Variants in DAB1 observed in about 807,000 individuals in gnomAD.
DAB1 encodes the protein disabled homolog 1.
In DAB1, 15 loss-of-function variants were observed where a neutral mutation model predicts 64.6. The observed-to-expected ratio is 0.23, with a 90% CI of 0.16 to 0.36. DAB1 has a LOEUF of 0.36. Ranked by LOEUF, DAB1 falls within the 10% of genes least tolerant of loss-of-function variation. DAB1 has a pLI of 1.00. For missense variants in DAB1, 596 were observed against 706.7 expected (o/e 0.84, Z 1.78); for synonymous variants, 235 against 251.9 (o/e 0.93, Z 0.64).
chr1:58,204,978 G>C (rs906560148), intron 4 of DAB1, among the ~76,000 whole-genome samples: 3 of 152,122 alleles, frequency 2.0e-5, no homozygotes, highest in African/African-American at 7.2e-5. Flanking sequence ...GTATCAGTCT[G>C]GTAGCAGCTC....
chr1:57,033,580 G>A, intron 9 of DAB1: 3 of 1,611,346 alleles, frequency 1.9e-6, no homozygotes, highest in African/African-American at 1.3e-5. Context: ...CATTCTGAAA[G>A]TGGAAGGGAT....
intron 5 of DAB1, among the ~76,000 whole-genome samples, chr1:57,980,890 C>T (rs76622392): frequency 6.6e-6 from 1 of 150,738 alleles, no homozygotes; most frequent in Non-Finnish European, 1.5e-5. Context: ...TCTCTCTCTA[C>T]ATGTATATAT....
intron 7 of DAB1, among the ~76,000 whole-genome samples, chr1:57,641,532 C>T (rs1339889904): frequency 2.6e-5 from 4 of 151,628 alleles, no homozygotes; most frequent in Admixed American, 6.6e-5. Context: ...TACAGACGCC[C>T]GCCACTACGC....
At chr1:57,434,482 G>A (rs756201771) in intron 7 of DAB1, among the ~76,000 whole-genome samples, 22 of 152,220 alleles carry the variant, frequency 1.4e-4, no homozygotes, top group Non-Finnish European at 2.5e-4. Flanking sequence ...CCTCAGTGGA[G>A]ATAGGTTACC....
chr1:57,863,037 A>G (rs978602162), intron 1 of DAB1: 4 of 152,352 alleles, frequency 2.6e-5, no homozygotes, highest in African/African-American at 7.2e-5. Flanking sequence ...CAAGTGTCCA[A>G]CAGGTGAGTG....
At chr1:57,049,639 T>C (rs1648970371) in intron 9 of DAB1, among the ~76,000 whole-genome samples, 1 of 151,644 alleles carries the variant, frequency 6.6e-6, no homozygotes, top group Non-Finnish European at 1.5e-5. Flanking sequence ...ACACTCAAAC[T>C]CATCTCGCTT....
intron 3 of DAB1, among the ~76,000 whole-genome samples, chr1:58,504,922 T>C (rs1488478388): frequency 6.6e-6 from 1 of 152,182 alleles, no homozygotes; most frequent in Non-Finnish European, 1.5e-5. Context: ...TACTCCGTAT[T>C]TGTTGGGCTG....
At chr1:57,353,999 G>T (rs1471941149) in intron 1 of DAB1, among the ~76,000 whole-genome samples, 3 of 152,000 alleles carry the variant, frequency 2.0e-5, no homozygotes, top group Non-Finnish European at 4.4e-5. Flanking sequence ...TCAAATTTTT[G>T]AAAGGAATTC....
intron 4 of DAB1, among the ~76,000 whole-genome samples, chr1:57,119,857 A>C (rs1288554037): frequency 2.0e-5 from 3 of 152,192 alleles, no homozygotes; most frequent in Non-Finnish European, 4.4e-5. Context: ...CTGCCCAATC[A>C]GTCTCCCCAT....
Position 57,070,988 on chromosome 1 carries a change from T to C in DAB1, c.597+35A>G, listed in dbSNP as rs4912426. 7.4e-5 allele frequency: 117 copies of C among 1,588,534 alleles called. 2 individuals are homozygous for C. The Admixed American group carries it at 1.7e-3, about 23-fold the overall frequency. ...GGCTCTGGCACAGGTCTAGTCACTCTTGAATCTAAAACCCCGACTAGTTTC... is the reference window on the plus strand; with the variant it reads ...GGCTCTGGCACAGGTCTAGTCACTCCTGAATCTAAAACCCCGACTAGTTTC... On this transcript the variant is annotated intron_variant, in intron 7 of 14. Coordinates refer to ENST00000371236, the MANE Select transcript of DAB1 (RefSeq NM_001365792.1).
chr1:58,527,417 C>T, intron 1 of DAB1: 1 of 748,862 alleles, frequency 1.3e-6, no homozygotes, highest in Non-Finnish European at 2.4e-6. Context: ...TTTTAAAAAA[C>T]AGTTTCATGG....
intron 3 of DAB1, among the ~76,000 whole-genome samples, chr1:58,448,985 GA>G (rs992519400): frequency 6.6e-6 from 1 of 152,162 alleles, no homozygotes; most frequent in East Asian, 1.9e-4. Context: ...CATTGAGGTA[GA>G]AAAAATGGAA....
At chr1:57,420,526 T>G (rs1242535008) in intron 1 of DAB1, among the ~76,000 whole-genome samples, 1 of 152,238 alleles carries the variant, frequency 6.6e-6, no homozygotes, top group African/African-American at 2.4e-5. Flanking sequence ...GGTTAATTAT[T>G]CTTTTTTATT....
intron 7 of DAB1, among the ~76,000 whole-genome samples, chr1:57,581,056 T>C (rs960466408): frequency 2.0e-5 from 3 of 152,364 alleles, no homozygotes; most frequent in Admixed American, 2.0e-4. Flanking sequence ...GGGCCCTCTC[T>C]GGGCCTCCTC....
At chr1:57,177,038 T>C (rs1010229794) in intron 2 of DAB1, among the ~76,000 whole-genome samples, 1 of 148,738 alleles carries the variant, frequency 6.7e-6, no homozygotes, top group Non-Finnish European at 1.5e-5. Context: ...CATAAATTTG[T>C]AAATGTGTCC....
chr1:57,758,762 A>G (rs542218578), intron 6 of DAB1, among the ~76,000 whole-genome samples: 1 of 151,004 alleles, frequency 6.6e-6, no homozygotes, highest in African/African-American at 2.4e-5. Context: ...TTTTTTTTTT[A>G]TTTTGTGAAA....
At chr1:57,233,001 A>G (rs1177567158) in intron 2 of DAB1, among the ~76,000 whole-genome samples, 1 of 152,106 alleles carries the variant, frequency 6.6e-6, no homozygotes, top group East Asian at 1.9e-4. Context: ...TTTTCATTGC[A>G]TGATATGTTA....
At chr1:57,879,647 G>C (rs185883095) in intron 1 of DAB1, among the ~76,000 whole-genome samples, 3 of 152,278 alleles carry the variant, frequency 2.0e-5, no homozygotes, top group Non-Finnish European at 4.4e-5. Flanking sequence ...TCAGCACACA[G>C]TAGGGTTTAT....
intron 8 of DAB1, among the ~76,000 whole-genome samples, chr1:57,065,478 C>T (rs1650814882): frequency 6.6e-6 from 1 of 152,062 alleles, no homozygotes; most frequent in South Asian, 2.1e-4. Context: ...AGAATTATTG[C>T]ATCACATTGT....
Sources: allele counts gnomAD v4.1 joint callset (sites outside exome capture counted in the v4.1 genomes callset), GRCh38; gene constraint gnomAD v4.1.1; transcripts MANE v1.5; gene names NCBI Gene and HGNC (gene_info 2026-07-23, HGNC 2026-07-21).